The following TMEM232 variants were observed in gnomAD, a reference collection of about 807,000 sequenced individuals.
TMEM232 encodes transmembrane protein 232.
In TMEM232, 80 loss-of-function variants were observed where a neutral mutation model predicts 78.8. The observed-to-expected ratio is 1.01, with a 90% CI of 0.85 to 1.22. The LOEUF (loss-of-function observed/expected upper bound fraction) is 1.22. Ranked by LOEUF, TMEM232 falls within the 50% of genes most tolerant of loss-of-function variation. The probability of loss-of-function intolerance (pLI) is 0.00; values close to 1 mark genes in which losing one functional copy is unlikely to be tolerated. For missense variants in TMEM232, 881 were observed against 742.2 expected (o/e 1.19, Z -2.17); for synonymous variants, 297 against 254.3 (o/e 1.17, Z -1.60).
At chr5:110,727,323 A>C (rs1798252753), upstream of TMEM232, among the ~76,000 whole-genome samples, 1 of 152,228 alleles carries the variant, frequency 6.6e-6, no homozygotes, top group Non-Finnish European at 1.5e-5. Flanking sequence ...GATTAAATTC[A>C]TACGTAGGCC....
chr5:110,408,397 GC>G (rs1755871590), intron 2 of TMEM232, among the ~76,000 whole-genome samples: 1 of 152,104 alleles, frequency 6.6e-6, no homozygotes, highest in Admixed American at 6.6e-5. Flanking sequence ...TTCGACACCA[GC>G]CTGGCCAATC....
chr5:110,672,132 C>A (rs1361779036), intron 1 of TMEM232, among the ~76,000 whole-genome samples: 1 of 152,096 alleles, frequency 6.6e-6, no homozygotes, highest in African/African-American at 2.4e-5. Flanking sequence ...TTGGCTATTT[C>A]TTGAGATATT....
chr5:110,526,005 C>A (rs1462361642), intron 12 of TMEM232, among the ~76,000 whole-genome samples: 1 of 122,138 alleles, frequency 8.2e-6, no homozygotes, highest in African/African-American at 3.2e-5. Flanking sequence ...GCAGATGGAT[C>A]TACACCTCAC....
intron 12 of TMEM232, among the ~76,000 whole-genome samples, chr5:110,494,748 A>G (rs1331840408): frequency 6.6e-6 from 1 of 152,060 alleles, no homozygotes; most frequent in Non-Finnish European, 1.5e-5. Flanking sequence ...TATTCACACA[A>G]TAAAATATAC....
At chr5:110,436,456 C>T (rs184005870) in intron 12 of TMEM232, among the ~76,000 whole-genome samples, 21 of 151,950 alleles carry the variant, frequency 1.4e-4, no homozygotes, top group Admixed American at 1.2e-3. Flanking sequence ...AGTTTTTAAA[C>T]TTTATATGAT....
chr5:110,396,647 A>G (rs115432401), intron 3 of TMEM232, among the ~76,000 whole-genome samples: 19 of 152,272 alleles, frequency 1.2e-4, no homozygotes, highest in African/African-American at 4.3e-4. Context: ...TAAATATTCA[A>G]TAATAAAAAA....
At chr5:110,409,636 G>T (rs1755915665) in intron 2 of TMEM232, among the ~76,000 whole-genome samples, 1 of 152,062 alleles carries the variant, frequency 6.6e-6, no homozygotes, top group African/African-American at 2.4e-5. Flanking sequence ...AGCCCTTAGA[G>T]ATAACTTTCT....
At chr5:110,625,183 A>C in intron 7 of TMEM232, 84 bp downstream of exon 7, 14 of 1,330,800 alleles carry the variant, frequency 1.1e-5, no homozygotes, top group Non-Finnish European at 1.4e-5. Flanking sequence ...TGTCTACTGT[A>C]TTGATAAGCA....
At chr5:110,698,818 G>A (rs1308287558) in intron 1 of TMEM232, among the ~76,000 whole-genome samples, 2 of 152,058 alleles carry the variant, frequency 1.3e-5, no homozygotes, top group African/African-American at 2.4e-5. Context: ...AGTTAAAATG[G>A]TGGTTTCTTT....
intron 10 of TMEM232, among the ~76,000 whole-genome samples, chr5:110,596,543 T>C (rs558295252): frequency 6.6e-4 from 101 of 152,212 alleles, no homozygotes; most frequent in African/African-American, 2.4e-3. Flanking sequence ...ATACCAAAGC[T>C]GGGCAGAGAC....
intron 10 of TMEM232, among the ~76,000 whole-genome samples, chr5:110,580,080 A>G (rs1389827400): frequency 6.6e-6 from 1 of 151,736 alleles, no homozygotes; most frequent in Non-Finnish European, 1.5e-5. Flanking sequence ...GAAAAATATT[A>G]TGTAATATAA....
intron 11 of TMEM232, among the ~76,000 whole-genome samples, chr5:110,558,646 C>T (rs1413781618): frequency 6.6e-6 from 1 of 152,064 alleles, no homozygotes; most frequent in East Asian, 1.9e-4. Context: ...CTGTACAAGT[C>T]CAACAGTCAA....
At chr5:110,497,717 CA>C (rs1175694307) in intron 12 of TMEM232, among the ~76,000 whole-genome samples, 1 of 152,092 alleles carries the variant, frequency 6.6e-6, no homozygotes, top group Non-Finnish European at 1.5e-5. Context: ...ATGTTTCCCC[CA>C]CCTGGCCTGC....
chr5:110,505,531 G>A (rs1445924488), intron 12 of TMEM232, among the ~76,000 whole-genome samples: 1 of 152,138 alleles, frequency 6.6e-6, no homozygotes, highest in African/African-American at 2.4e-5. Context: ...TTTTGAAACA[G>A]AGTCTTGATA....
intron 13 of TMEM232, among the ~76,000 whole-genome samples, chr5:110,422,433 T>C (rs1014906959): frequency 1.5e-5 from 2 of 135,888 alleles, no homozygotes; most frequent in African/African-American, 5.7e-5. Flanking sequence ...GGCAGGAGAA[T>C]GGCATGAACC....
intron 2 of TMEM232, among the ~76,000 whole-genome samples, chr5:110,400,135 T>G (rs1755536555): frequency 6.6e-6 from 1 of 152,156 alleles, no homozygotes; most frequent in Non-Finnish European, 1.5e-5. Context: ...TTTAGAATAA[T>G]TCCCCTCTTA....
At position 110,420,286 on chromosome 5, in the gene TMEM232, T is replaced by C. The variant is rs1295911435; in HGVS notation, c.*294A>G. The C allele has an allele frequency of 4.7e-6, 1 of 212,354 alleles. No homozygotes were observed. The highest frequency in any genetic ancestry group is 2.3e-5 in the African/African-American group (1 of 43,668). 13.2% of individuals were successfully genotyped at this position (212,354 alleles called of 1,614,324 possible). A position where few individuals can be genotyped will look rare whatever the true frequency, so the allele number is the denominator to read the frequency against. On this transcript the variant is annotated 3_prime_UTR_variant, in exon 14 of 14. Transcript: ENST00000455884. ...TGTTCTGAGAATCAGTTATCAAGTA[T>C]GCTGTACAATCATGAGATAAAGGTC...
intron 1 of TMEM232, among the ~76,000 whole-genome samples, chr5:110,696,708 A>C (rs1168492008): frequency 6.6e-6 from 1 of 152,204 alleles, no homozygotes; most frequent in East Asian, 1.9e-4. Flanking sequence ...AATTGCTTCA[A>C]AGAGAATAAA....
intron 12 of TMEM232, among the ~76,000 whole-genome samples, chr5:110,474,005 T>G (rs996085249): frequency 3.2e-5 from 4 of 125,340 alleles, no homozygotes; most frequent in Non-Finnish European, 3.3e-5. Context: ...TAGAGAGAAA[T>G]GGGGAGAGGT....
Sources: gnomAD v4.1 joint callset for allele counts (sites outside exome capture counted in the v4.1 genomes callset) on GRCh38, gnomAD v4.1.1 for gene constraint, MANE v1.5 for transcripts, NCBI Gene and HGNC (gene_info 2026-07-23, HGNC 2026-07-21) for gene names.